The following PRIM2 variants were observed in gnomAD, a reference collection of about 807,000 sequenced individuals.
PRIM2 encodes DNA primase large subunit.
In PRIM2, 39 loss-of-function variants were observed where a neutral mutation model predicts 67.3. That is an observed-to-expected ratio of 0.58 (90% confidence interval 0.45 to 0.76). The LOEUF is 0.76. Among genes scored for constraint, PRIM2 ranks in the 30% least tolerant of loss-of-function variants. The pLI, the probability that PRIM2 is intolerant of heterozygous loss-of-function variation, is 0.00. For missense variants in PRIM2, 398 were observed against 598.7 expected, an observed-to-expected ratio of 0.66 and a Z score of 3.50; for synonymous variants, 143 against 198.7, an observed-to-expected ratio of 0.72 and a Z score of 2.36.
chr6:57,334,195 C>T (rs796839220), intron 5 of PRIM2, among the ~76,000 whole-genome samples: 20 of 152,174 alleles, frequency 1.3e-4, no homozygotes, highest in African/African-American at 4.6e-4. Flanking sequence ...ATTTACTTAA[C>T]GTAATATCCC....
chr6:57,374,408 C>G (rs1769680080), intron 5 of PRIM2, among the ~76,000 whole-genome samples: 1 of 149,692 alleles, frequency 6.7e-6, no homozygotes, highest in Admixed American at 6.6e-5. Flanking sequence ...ATTCTCCTGC[C>G]TCAGCCTCCC....
chr6:57,621,866 G>A (rs1259656789), intron 12 of PRIM2, among the ~76,000 whole-genome samples: 1 of 152,050 alleles, frequency 6.6e-6, no homozygotes, highest in Non-Finnish European at 1.5e-5. Context: ...TGTTGGGCAG[G>A]TCTACTAACA....
chr6:57,440,549 G>T (rs968257540), intron 7 of PRIM2, among the ~76,000 whole-genome samples: 31 of 152,190 alleles, frequency 2.0e-4, no homozygotes, highest in Admixed American at 1.3e-3. Flanking sequence ...GTAGTTGTTT[G>T]TAGATAGCTG....
chr6:57,453,739 C>T (rs1264820871), intron 7 of PRIM2, among the ~76,000 whole-genome samples: 3 of 152,144 alleles, frequency 2.0e-5, no homozygotes, highest in African/African-American at 4.8e-5. Context: ...CAAACAGGGA[C>T]GATTTGACTT....
chr6:57,535,706 A>G (rs1480213219), intron 9 of PRIM2, among the ~76,000 whole-genome samples: 41 of 152,198 alleles, frequency 2.7e-4, no homozygotes, highest in Middle Eastern at 6.8e-3. Flanking sequence ...CTCTACTACA[A>G]ATACCAAAAT....
the PRIM2 span, among the ~76,000 whole-genome samples, chr6:57,272,346 C>T: frequency 6.6e-6 from 1 of 152,160 alleles, no homozygotes; most frequent in African/African-American, 2.4e-5. Flanking sequence ...ATAGTTAGCT[C>T]TTCTTATTGA....
intron 7 of PRIM2, among the ~76,000 whole-genome samples, chr6:57,458,994 A>C (rs1406897179): frequency 1.3e-5 from 2 of 152,234 alleles, no homozygotes; most frequent in Non-Finnish European, 2.9e-5. Flanking sequence ...ATGAACAAAA[A>C]AATAACTATT....
intron 10 of PRIM2, among the ~76,000 whole-genome samples, chr6:57,577,578 A>G (rs1262151254): frequency 2.0e-5 from 3 of 151,796 alleles, no homozygotes; most frequent in Non-Finnish European, 4.4e-5. Context: ...ACAGGCGCCC[A>G]CCACCACGTC....
intron 5 of PRIM2, among the ~76,000 whole-genome samples, chr6:57,326,801 T>G (rs1457594533): frequency 2.0e-5 from 3 of 151,964 alleles, no homozygotes; most frequent in South Asian, 4.1e-4. Flanking sequence ...TGCAGACATA[T>G]CTGAATGATT....
chr6:57,444,337 G>A (rs1444939164), intron 7 of PRIM2, among the ~76,000 whole-genome samples: 1 of 152,114 alleles, frequency 6.6e-6, no homozygotes, highest in African/African-American at 2.4e-5. Context: ...GGAAGGCCGA[G>A]GCGGGCGGAT....
intron 5 of PRIM2, among the ~76,000 whole-genome samples, chr6:57,332,801 ATCT>A (rs148789410): frequency 0.06 from 9,168 of 152,058 alleles, 375 homozygotes; most frequent in Admixed American, 0.1. Flanking sequence ...TAGTTGGATC[ATCT>A]TCTTTTCTTT....
the PRIM2 span, among the ~76,000 whole-genome samples, chr6:57,240,091 G>GTTTTTTTTTTTTTTTTTTTT: frequency 1.8e-4 from 16 of 90,016 alleles, no homozygotes; most frequent in African/African-American, 7.1e-4. Flanking sequence ...TCAATAATCT[G>GTTTTTTTTTTTTTTTTTTTT]TTTTTTTTTT....
intron 7 of PRIM2, among the ~76,000 whole-genome samples, chr6:57,415,370 C>T (rs1188333653): frequency 3.9e-5 from 6 of 152,112 alleles, no homozygotes; most frequent in African/African-American, 1.2e-4. Flanking sequence ...TTTTGTTTCC[C>T]AGTGCATGTA....
chr6:57,386,514 C>T (rs922322739), intron 7 of PRIM2, among the ~76,000 whole-genome samples: 3 of 150,376 alleles, frequency 2.0e-5, no homozygotes, highest in Non-Finnish European at 4.4e-5. Flanking sequence ...GCCTTGGTGT[C>T]TTGGATTTAA....
intron 6 of PRIM2, 89 bp downstream of exon 6, chr6:57,380,085 C>G: frequency 9.5e-7 from 1 of 1,055,966 alleles, no homozygotes; most frequent in Admixed American, 2.4e-5. Flanking sequence ...ATTTTTATAG[C>G]CTCTCATCAT....
chr6:57,279,847 G>A, the PRIM2 span, among the ~76,000 whole-genome samples: 803 of 152,306 alleles, frequency 5.3e-3, 8 homozygotes, highest in Non-Finnish European at 8.0e-3. Flanking sequence ...AGGAGGCAGG[G>A]AAGTCCTGTT....
the PRIM2 span, among the ~76,000 whole-genome samples, chr6:57,233,581 T>C: frequency 6.6e-6 from 1 of 151,144 alleles, no homozygotes; most frequent in South Asian, 2.1e-4. Flanking sequence ...TAACAATGTC[T>C]TTCCTCCTTC....
chr6:57,533,290 C>A (rs1774931189), intron 9 of PRIM2, among the ~76,000 whole-genome samples: 1 of 152,012 alleles, frequency 6.6e-6, no homozygotes, highest in Admixed American at 6.6e-5. Context: ...GCACTCCATA[C>A]ACAAAGGGAA....
intron 5 of PRIM2, among the ~76,000 whole-genome samples, chr6:57,349,550 C>T (rs912327829): frequency 6.6e-5 from 10 of 151,342 alleles, no homozygotes; most frequent in Admixed American, 4.6e-4. Flanking sequence ...AGTATTGCAA[C>T]ATATTTTAAG....
Sources: gnomAD v4.1 joint callset for allele counts (sites outside exome capture counted in the v4.1 genomes callset) on GRCh38, gnomAD v4.1.1 for gene constraint, MANE v1.5 for transcripts, NCBI Gene and HGNC (gene_info 2026-07-23, HGNC 2026-07-21) for gene names.